Variants in C12orf42 observed in about 807,000 individuals in gnomAD.
C12orf42 encodes chromosome 12 open reading frame 42.
Under a neutral mutation model 21.6 loss-of-function variants are expected in C12orf42, and 25 were observed. The ratio of observed to expected loss-of-function variants is 1.16; its 90% CI spans 0.84 to 1.62. C12orf42 has a LOEUF of 1.62. C12orf42 is among the 40% of genes most tolerant of loss of function. The probability of loss-of-function intolerance (pLI) is 0.00; values close to 1 mark genes in which losing one functional copy is unlikely to be tolerated. For synonymous variants in C12orf42, 174 were observed against 175.0 expected (o/e 0.99, Z 0.05); for missense variants, 483 against 459.3 (o/e 1.05, Z -0.47).
At chr12:103,093,016 G>T in the C12orf42 span, among the ~76,000 whole-genome samples, 90 of 152,082 alleles carry the variant, frequency 5.9e-4, no homozygotes, top group African/African-American at 2.0e-3. Context: ...CTCTTTTCTG[G>T]CCTTGCATAG....
the C12orf42 span, among the ~76,000 whole-genome samples, chr12:103,173,387 G>T: frequency 6.6e-6 from 1 of 152,078 alleles, no homozygotes; most frequent in African/African-American, 2.4e-5. Context: ...TCTCAAAATA[G>T]AGATTGATGG....
At chr12:103,308,894 G>A (rs76083374) in intron 4 of C12orf42, among the ~76,000 whole-genome samples, 3,138 of 152,204 alleles carry the variant, frequency 0.021, 99 homozygotes, top group African/African-American at 0.07. Context: ...AATCCCATGT[G>A]ATAACGAAGG....
chr12:103,210,783 A>T, the C12orf42 span, among the ~76,000 whole-genome samples: 1 of 151,672 alleles, frequency 6.6e-6, no homozygotes, highest in Admixed American at 6.6e-5. Context: ...ATTAGTAGTG[A>T]AGAAGAAAAC....
At chr12:103,225,737 T>C in the C12orf42 span, among the ~76,000 whole-genome samples, 1 of 152,134 alleles carries the variant, frequency 6.6e-6, no homozygotes, top group African/African-American at 2.4e-5. Context: ...TGGGGAGTTT[T>C]AAGAGGTTTA....
At chr12:103,190,291 CCTT>C in the C12orf42 span, among the ~76,000 whole-genome samples, 2 of 152,136 alleles carry the variant, frequency 1.3e-5, no homozygotes, top group Non-Finnish European at 2.9e-5. Context: ...TGCTTATCCC[CCTT>C]CTTCTGCCTG....
chr12:103,101,477 A>G, the C12orf42 span, among the ~76,000 whole-genome samples: 1 of 152,214 alleles, frequency 6.6e-6, no homozygotes, highest in Non-Finnish European at 1.5e-5. Context: ...AGCCATTATC[A>G]TCAAGAAATT....
At chr12:103,140,371 A>C in the C12orf42 span, among the ~76,000 whole-genome samples, 1 of 152,156 alleles carries the variant, frequency 6.6e-6, no homozygotes, top group Non-Finnish European at 1.5e-5. Context: ...CAGAATGCCA[A>C]CCTATGTCTC....
At chr12:103,184,561 G>A in the C12orf42 span, among the ~76,000 whole-genome samples, 1 of 152,078 alleles carries the variant, frequency 6.6e-6, no homozygotes, top group Non-Finnish European at 1.5e-5. Flanking sequence ...TGAGGGTGGG[G>A]AATGGCTATG....
the C12orf42 span, among the ~76,000 whole-genome samples, chr12:103,081,958 G>T: frequency 6.6e-6 from 1 of 151,994 alleles, no homozygotes; most frequent in Non-Finnish European, 1.5e-5. Flanking sequence ...CAAATGTATT[G>T]TCTCTCCTCT....
chr12:103,089,283 G>T, the C12orf42 span, among the ~76,000 whole-genome samples: 1 of 152,096 alleles, frequency 6.6e-6, no homozygotes, highest in Non-Finnish European at 1.5e-5. Flanking sequence ...TGAGCTTCTG[G>T]CCTAAACAAA....
chr12:103,333,835 C>A (rs1020487428), intron 4 of C12orf42, among the ~76,000 whole-genome samples: 3 of 152,186 alleles, frequency 2.0e-5, no homozygotes, highest in Non-Finnish European at 4.4e-5. Flanking sequence ...ACACTCATTT[C>A]TCTTTGTGGG....
At chr12:103,169,838 A>C in the C12orf42 span, among the ~76,000 whole-genome samples, 1 of 152,222 alleles carries the variant, frequency 6.6e-6, no homozygotes, top group Admixed American at 6.5e-5. Context: ...GACATAGATT[A>C]GTGAACAGAC....
At chr12:103,462,096 G>GTTTTGTTTTTTTTTTTTTTTTTTT (rs1952751977) in intron 2 of C12orf42, among the ~76,000 whole-genome samples, 1 of 27,724 alleles carries the variant, frequency 3.6e-5, no homozygotes, top group Non-Finnish European at 6.6e-5. Flanking sequence ...TTTTTGCTTG[G>GTTTTGTTTTTTTTTTTTTTTTTTT]TTTTTTTTTT....
At chr12:103,148,021 C>T in the C12orf42 span, among the ~76,000 whole-genome samples, 3 of 152,012 alleles carry the variant, frequency 2.0e-5, no homozygotes, top group African/African-American at 4.8e-5. Flanking sequence ...AGAAGAGAAC[C>T]ATTGAATTTT....
At chr12:103,079,806 A>T in the C12orf42 span, among the ~76,000 whole-genome samples, 1 of 152,180 alleles carries the variant, frequency 6.6e-6, no homozygotes, top group Non-Finnish European at 1.5e-5. Context: ...GGAGAACCAT[A>T]TCCTGGTTCT....
chr12:103,427,593 T>C (rs929872481), intron 2 of C12orf42, among the ~76,000 whole-genome samples: 2 of 152,138 alleles, frequency 1.3e-5, no homozygotes. Context: ...AACAAGGATA[T>C]TCAGGACTTG....
At chr12:103,440,916 A>C (rs1269311564) in intron 2 of C12orf42, among the ~76,000 whole-genome samples, 2 of 152,224 alleles carry the variant, frequency 1.3e-5, no homozygotes, top group African/African-American at 4.8e-5. Flanking sequence ...ACCACAGAGT[A>C]CACAAGAATT....
At chr12:103,550,379 G>A in the C12orf42 span, 1 of 152,036 alleles carries the variant, frequency 6.6e-6, no homozygotes, top group Admixed American at 6.6e-5. Context: ...TATTTGTAGA[G>A]TATTCCATCG....
intron 2 of C12orf42, among the ~76,000 whole-genome samples, chr12:103,449,834 G>A (rs949585336): frequency 6.6e-6 from 1 of 150,492 alleles, no homozygotes; most frequent in Non-Finnish European, 1.5e-5. Flanking sequence ...TCACTCAAGT[G>A]AAAATGCACG....
Sources: allele counts gnomAD v4.1 joint callset (sites outside exome capture counted in the v4.1 genomes callset), GRCh38; gene constraint gnomAD v4.1.1; transcripts MANE v1.5; gene names NCBI Gene and HGNC (gene_info 2026-07-23, HGNC 2026-07-21).